The following TET1 variants were observed in gnomAD, a reference collection of about 807,000 sequenced individuals.
TET1 encodes the protein methylcytosine dioxygenase TET1.
A neutral mutation model predicts 148.7 loss-of-function variants in TET1; 13 were observed. The observed-to-expected ratio is 0.09, with a 90% confidence interval of 0.06 to 0.14. The LOEUF (loss-of-function observed/expected upper bound fraction) is 0.14, where lower values mean the gene tolerates loss of function less well. Ranked by LOEUF, TET1 falls within the 10% of genes least tolerant of loss-of-function variation. The pLI, the probability that TET1 is intolerant of heterozygous loss-of-function variation, is 1.00. For synonymous variants in TET1, 907 were observed against 937.2 expected, an observed-to-expected ratio of 0.97 and a Z score of 0.59; for missense variants, 2,182 against 2,553.8, an observed-to-expected ratio of 0.85 and a Z score of 3.14.
intron 8 of TET1, among the ~76,000 whole-genome samples, chr10:68,673,907 CA>C (rs1412771085): frequency 6.9e-6 from 1 of 144,304 alleles, no homozygotes; most frequent in Non-Finnish European, 1.5e-5. Flanking sequence ...TATGATACAT[CA>C]TTTTTTTATC....
intron 3 of TET1, among the ~76,000 whole-genome samples, chr10:68,630,163 A>G (rs1564978994): frequency 6.6e-6 from 1 of 152,220 alleles, no homozygotes; most frequent in Non-Finnish European, 1.5e-5. Flanking sequence ...GGTGCTAAGT[A>G]GATCGACTCT....
At chr10:68,654,652 T>C (rs1184921100) in intron 6 of TET1, among the ~76,000 whole-genome samples, 1 of 151,756 alleles carries the variant, frequency 6.6e-6, no homozygotes, top group East Asian at 1.9e-4. Flanking sequence ...ATTAAGGAGA[T>C]AATTAATAGA....
chr10:68,669,891 G>A (rs113057915), intron 7 of TET1, among the ~76,000 whole-genome samples: 2 of 151,648 alleles, frequency 1.3e-5, no homozygotes, highest in Non-Finnish European at 2.9e-5. Flanking sequence ...TCTCAAACCC[G>A]CCTCAGCCTC....
intron 8 of TET1, chr10:68,673,523 T>C: frequency 6.0e-6 from 2 of 335,724 alleles, no homozygotes; most frequent in South Asian, 2.4e-5. Context: ...GGTGTTAAGT[T>C]AAATAAGTTC....
chr10:68,649,377 G>A (rs912075012), intron 4 of TET1, among the ~76,000 whole-genome samples: 17 of 152,276 alleles, frequency 1.1e-4, no homozygotes, highest in Admixed American at 9.8e-4. Context: ...GGAGGCCGAG[G>A]CGGGCAGATC....
At chr10:68,630,474 C>G (rs1320089184) in intron 3 of TET1, among the ~76,000 whole-genome samples, 1 of 152,134 alleles carries the variant, frequency 6.6e-6, no homozygotes, top group Non-Finnish European at 1.5e-5. Flanking sequence ...GCCACCACGC[C>G]CAGCTCATTT....
chr10:68,586,836 G>A lies in TET1; in HGVS notation c.1914+12584G>A, dbSNP rs181769497. Among the ~76,000 whole-genome samples the A allele has an allele frequency of 9.2e-5, 14 of 152,288 alleles. No homozygotes were observed. In the East Asian group the frequency reaches 9.6e-4, roughly 10 times the overall value. On this transcript the variant is annotated intron_variant, in intron 2 of 11. Coordinates refer to ENST00000373644, the MANE Select transcript of TET1 (RefSeq NM_030625.3). Reference sequence around the variant, plus strand: ...GGAGCAGAGATGATGTCTGTAAAGCGTCTTGCAGTGTGTCTGCTATACAAC... The same window carrying A: ...GGAGCAGAGATGATGTCTGTAAAGCATCTTGCAGTGTGTCTGCTATACAAC...
chr10:68,656,094 G>A (rs900520863), intron 6 of TET1, among the ~76,000 whole-genome samples: 1 of 152,068 alleles, frequency 6.6e-6, no homozygotes. Context: ...AGATGGGACC[G>A]TCTAGTTTTA....
At chr10:68,657,901 C>T (rs1469999749) in intron 6 of TET1, among the ~76,000 whole-genome samples, 1 of 152,030 alleles carries the variant, frequency 6.6e-6, no homozygotes, top group African/African-American at 2.4e-5. Flanking sequence ...GTTTGTAGAA[C>T]TTTATCATGA....
chr10:68,637,307 T>TA (rs2054668059), intron 3 of TET1, among the ~76,000 whole-genome samples: 1 of 151,932 alleles, frequency 6.6e-6, no homozygotes, highest in Non-Finnish European at 1.5e-5. Context: ...TTTTTATCCC[T>TA]AAAAAAAGAA....
At chr10:68,650,431 T>C (rs1265092078) in intron 4 of TET1, among the ~76,000 whole-genome samples, 1 of 151,770 alleles carries the variant, frequency 6.6e-6, no homozygotes, top group Non-Finnish European at 1.5e-5. Flanking sequence ...TCACCTGAGG[T>C]CAGGAGTTCG....
intron 3 of TET1, among the ~76,000 whole-genome samples, chr10:68,615,809 G>A (rs1198307966): frequency 1.3e-5 from 2 of 151,642 alleles, no homozygotes; most frequent in African/African-American, 2.4e-5. Context: ...GCCTACGCCC[G>A]GCTAATTTTG....
intron 8 of TET1, among the ~76,000 whole-genome samples, chr10:68,680,244 G>A (rs1475768941): frequency 2.0e-5 from 3 of 152,154 alleles, no homozygotes; most frequent in African/African-American, 7.2e-5. Flanking sequence ...TTCATATAAT[G>A]GTCTCCTTTC....
At chr10:68,624,188 C>A (rs2054417207) in intron 3 of TET1, among the ~76,000 whole-genome samples, 1 of 151,990 alleles carries the variant, frequency 6.6e-6, no homozygotes, top group African/African-American at 2.4e-5. Flanking sequence ...CTTCCCCATC[C>A]CGGGTTCAAG....
intron 3 of TET1, among the ~76,000 whole-genome samples, chr10:68,619,945 CACT>C (rs1308849358): frequency 6.6e-6 from 1 of 152,132 alleles, no homozygotes; most frequent in Non-Finnish European, 1.5e-5. Flanking sequence ...GTAATCCCAG[CACT>C]TTGGGAGGCC....
chr10:68,691,228 A>G lies in TET1; in HGVS notation c.5825A>G (p.Gln1942Arg), dbSNP rs560194393. ...EPLTPHQPNH[Q>R]PSFLTSPQDL... ...CTAACGCCTCATCAGCCAAACCACC[A>G]GCCCTCCTTCCTCACCTCTCCTCAA... is the stretch of plus-strand genomic sequence containing the variant. The change falls in exon 12 of 12, where the codon CAG (glutamine) becomes CGG (arginine). Residue 1942 changes from glutamine (Q) to arginine (R), a missense_variant. Coordinates refer to ENST00000373644, the MANE Select transcript of TET1 (RefSeq NM_030625.3). The surrounding 1 kb of genome is among the most constrained non-coding windows in gnomAD (Gnocchi z 4.4). 11 of 1,614,116 alleles carry G rather than the reference A, an allele frequency of 6.8e-6. No individual in the cohort carries two copies. The South Asian group carries it at 8.8e-5, about 13-fold the overall frequency.
At chr10:68,668,333 A>G (rs2055222312) in intron 7 of TET1, among the ~76,000 whole-genome samples, 2 of 152,166 alleles carry the variant, frequency 1.3e-5, no homozygotes, top group Non-Finnish European at 2.9e-5. Context: ...ATGTTTTTCT[A>G]TGACTTTAAG....
intron 3 of TET1, among the ~76,000 whole-genome samples, chr10:68,623,347 A>C (rs961447373): frequency 2.6e-5 from 4 of 152,214 alleles, no homozygotes; most frequent in Admixed American, 2.6e-4. Flanking sequence ...TATGGGCTAT[A>C]AACTATTACT....
rs1226096019 is a variant in TET1, at chr10:68,645,650, C to A, written c.2921C>A (p.Thr974Asn). 3.1e-6 allele frequency: 5 copies of A among 1,614,150 alleles called. No individual in the cohort carries two copies. The highest frequency in any genetic ancestry group is 4.2e-6 in the Non-Finnish European group (5 of 1,180,022). The stretch of plus-strand genomic sequence containing the variant: ...AACACGGTGGTTTTCAATGGGCAAA[C>A]TACTACCCTTTCCAACTCACATATC... ...SCNTVVFNGQ[T>N]TTLSNSHINS... The change falls in exon 4 of 12, where the codon ACT (threonine) becomes AAT (asparagine). Residue 974 changes from threonine to asparagine, a missense_variant. Physicochemically the swap from Thr to Asn is moderately conservative, Grantham distance 65. Around this residue, in one of 11 missense-constraint regions of TET1, gnomAD observed 582 missense variants for 599.5 expected, o/e 0.97. Transcript: ENST00000373644.
Sources: allele counts gnomAD v4.1 joint callset (sites outside exome capture counted in the v4.1 genomes callset), GRCh38; gene constraint gnomAD v4.1.1; regional missense constraint gnomAD v4.1.1; non-coding constraint Gnocchi (gnomAD v3.1); transcripts MANE v1.5; gene names NCBI Gene and HGNC (gene_info 2026-07-23, HGNC 2026-07-21).